Variants in LMO7 observed in about 807,000 individuals in gnomAD.
The protein encoded by LMO7 is LIM domain 7.
Under a neutral mutation model 206.5 loss-of-function variants are expected in LMO7, and 120 were observed. The ratio of observed to expected loss-of-function variants is 0.58; its 90% CI spans 0.50 to 0.68. The LOEUF (loss-of-function observed/expected upper bound fraction) is 0.68. LMO7 is among the 30% of genes least tolerant of loss of function. The probability of loss-of-function intolerance (pLI) is 0.00; values close to 1 mark genes in which losing one functional copy is unlikely to be tolerated. For missense variants in LMO7, 1,959 were observed against 1,957.9 expected, an observed-to-expected ratio of 1.00 and a Z score of -0.01; for synonymous variants, 706 against 681.5, an observed-to-expected ratio of 1.04 and a Z score of -0.56.
intron 1 of LMO7, among the ~76,000 whole-genome samples, chr13:75,661,737 C>A (rs1044639046): frequency 6.6e-6 from 1 of 152,106 alleles, no homozygotes; most frequent in Non-Finnish European, 1.5e-5. Context: ...GTGTTCTTGC[C>A]CCTCCCGTGC....
In LMO7 at chr13:75,821,622, C is replaced by T; in HGVS notation, c.2640+13C>T. On this transcript the variant is annotated intron_variant, in intron 14 of 30. Coordinates refer to ENST00000377534, the MANE Select transcript of LMO7 (RefSeq NM_001306080.2). ...CAGATCTTACACGGTAAAAAATGTT[C>T]TCGGTTCATTTAGTCTGTTCTGAAG... 1.9e-6 allele frequency: 3 copies of T among 1,598,616 alleles called. No homozygotes were observed. Among genetic ancestry groups the T allele is most frequent in the Admixed American group, 1.7e-5 (1 of 58,966 alleles).
intron 4 of LMO7, among the ~76,000 whole-genome samples, chr13:75,783,870 T>C (rs943066062): frequency 6.6e-6 from 1 of 152,218 alleles, no homozygotes; most frequent in Non-Finnish European, 1.5e-5. Flanking sequence ...TTTGCTTTGC[T>C]TATATATTTA....
chr13:75,807,515 C>G lies in LMO7; in HGVS notation c.1232C>G (p.Ser411Cys), dbSNP rs909276947. 1 of 1,613,756 alleles carries G rather than the reference C, an allele frequency of 6.2e-7. No homozygotes were observed. The highest frequency in any genetic ancestry group is 8.5e-7 in the Non-Finnish European group (1 of 1,179,850). ...FLLLQALQTY[S>C]DDILSSETHT... The stretch of plus-strand genomic sequence containing the variant: ...CTGCTTCAGGCCCTCCAAACATACT[C>G]TGATGACATCTTGTCTTCTGAAACA... The change falls in exon 10 of 31, where the codon TCT becomes TGT. Residue 411 changes from serine (S) to cysteine (C), a missense_variant. Ser to Cys is a moderately radical substitution (Grantham distance 112). Coordinates refer to ENST00000377534, the MANE Select transcript of LMO7 (RefSeq NM_001306080.2).
At chr13:75,717,223 T>C (rs1240781937) in intron 2 of LMO7, among the ~76,000 whole-genome samples, 1 of 151,108 alleles carries the variant, frequency 6.6e-6, no homozygotes, top group Non-Finnish European at 1.5e-5. Flanking sequence ...ATTAGCCGGG[T>C]GTGGTGGCGG....
At chr13:75,722,415 T>C (rs1442894264) in intron 2 of LMO7, among the ~76,000 whole-genome samples, 2 of 152,062 alleles carry the variant, frequency 1.3e-5, no homozygotes, top group East Asian at 1.9e-4. Flanking sequence ...AAAGAAGATA[T>C]ACAAATGGCC....
rs2055166675 is a variant in LMO7, at chr13:75,804,371, G to A, written c.744G>A (p.Ser248=). The A allele has an allele frequency of 6.2e-6, 10 of 1,614,156 alleles. No individual in the cohort carries two copies. The highest frequency in any genetic ancestry group is 4.5e-5 in the East Asian group (2 of 44,886). The change falls in exon 8 of 31, where the codon TCG becomes TCA. Residue 248 remains serine (S), a synonymous_variant. Coordinates refer to ENST00000377534, the MANE Select transcript of LMO7 (RefSeq NM_001306080.2). ...NKDDMSYRRI[S]AVEPKTALPF... ...ATGATATGTCGTATCGAAGGATTTC[G>A]GCTGTTGAGCCAAAGACTGCGTTAC... is the stretch of plus-strand genomic sequence containing the variant.
At chr13:75,762,774 C>T (rs2048360671) in intron 4 of LMO7, among the ~76,000 whole-genome samples, 1 of 152,068 alleles carries the variant, frequency 6.6e-6, no homozygotes, top group East Asian at 1.9e-4. Flanking sequence ...TGTGAGAATG[C>T]CTGAGTGGGA....
chr13:75,839,474 C>T (rs2059401756), intron 20 of LMO7, among the ~76,000 whole-genome samples: 1 of 152,130 alleles, frequency 6.6e-6, no homozygotes, highest in Admixed American at 6.5e-5. Context: ...TAAAGGTATA[C>T]TTACATAGGT....
At chr13:75,756,374 G>T (rs1000872326) in intron 3 of LMO7, among the ~76,000 whole-genome samples, 1 of 152,182 alleles carries the variant, frequency 6.6e-6, no homozygotes, top group African/African-American at 2.4e-5. Flanking sequence ...ATGAAATTAA[G>T]AGACCCTTAA....
chr13:75,666,095 A>AT (rs1209891349), intron 1 of LMO7, among the ~76,000 whole-genome samples: 2 of 152,114 alleles, frequency 1.3e-5, no homozygotes, highest in African/African-American at 4.8e-5. Context: ...AAACTTTTAA[A>AT]TTTTTTTTAA....
rs746752009 is a variant in LMO7 at position 75,858,046 on chromosome 13, T to TA, written c.*111dup. 3.1e-4 allele frequency: 426 copies of TA among 1,369,306 alleles called. No homozygotes were observed. Among genetic ancestry groups the TA allele is most frequent in the South Asian group, 2.2e-3 (170 of 76,330 alleles). The allele number at this position is 1,369,306 out of a possible 1,614,324, so 84.8% of individuals were successfully genotyped here. A position where few individuals can be genotyped will look rare whatever the true frequency, so the allele number is the denominator to read the frequency against. On this transcript the variant is annotated 3_prime_UTR_variant, in exon 31 of 31. Transcript: ENST00000377534. Reference sequence around the variant, plus strand: ...TTGTATGTCTTTTTTGCTTTTTTTTTAAAAAAAAGAATAACTTTTTTTGCC... The same window carrying TA: ...TTGTATGTCTTTTTTGCTTTTTTTTTAAAAAAAAAGAATAACTTTTTTTGCC...
In LMO7 at chr13:75,834,340, A is replaced by C; in HGVS notation, c.3179A>C (p.Gln1060Pro). The C allele has an allele frequency of 6.2e-7, 1 of 1,610,368 alleles. No homozygotes were observed. ...TGGGAGGAAGCCATGGCTAAGGCTCAAGAAACTGGACACCTAGTGATGGAT... is the reference window on the plus strand; with the variant it reads ...TGGGAGGAAGCCATGGCTAAGGCTCCAGAAACTGGACACCTAGTGATGGAT... ...KEWEEAMAKA[Q>P]ETGHLVMDVR... The change falls in exon 17 of 31, where the codon CAA (glutamine) becomes CCA (proline). Residue 1060 changes from glutamine to proline, a missense_variant. Physicochemically the swap from Gln to Pro is moderately conservative, Grantham distance 76. Transcript: ENST00000377534.
chr13:75,714,730 C>T (rs1415924486), intron 2 of LMO7, among the ~76,000 whole-genome samples: 1 of 152,032 alleles, frequency 6.6e-6, no homozygotes, highest in Non-Finnish European at 1.5e-5. Flanking sequence ...GACCACATAG[C>T]CCAACTGGTC....
At chr13:75,733,518 GT>G (rs2045489367) in intron 3 of LMO7, among the ~76,000 whole-genome samples, 1 of 152,282 alleles carries the variant, frequency 6.6e-6, no homozygotes, top group East Asian at 1.9e-4. Context: ...GATTTTCCAG[GT>G]ACCATCTGTC....
At chr13:75,732,523 C>G (rs978677352) in intron 3 of LMO7, among the ~76,000 whole-genome samples, 1 of 152,134 alleles carries the variant, frequency 6.6e-6, no homozygotes, top group African/African-American at 2.4e-5. Flanking sequence ...GTTATACATT[C>G]GTCTAAATTT....
chr13:75,764,760 G>A (rs1404829021), intron 4 of LMO7, among the ~76,000 whole-genome samples: 3 of 152,024 alleles, frequency 2.0e-5, no homozygotes, highest in South Asian at 4.1e-4. Context: ...CCAGTTTTTG[G>A]CAAGTCTTCA....
chr13:75,660,412 T>C (rs1483554190), intron 1 of LMO7, among the ~76,000 whole-genome samples: 1 of 152,250 alleles, frequency 6.6e-6, no homozygotes, highest in East Asian at 1.9e-4. Flanking sequence ...AATTTTGGAT[T>C]AATTTGCCTT....
At chr13:75,688,757 A>G (rs2041218515) in intron 1 of LMO7, 1 of 151,660 alleles carries the variant, frequency 6.6e-6, no homozygotes, top group Non-Finnish European at 1.5e-5. Context: ...CTCTCCACAC[A>G]CTGTTCTGTG....
At chr13:75,658,873 G>A (rs2139230948) in intron 1 of LMO7, among the ~76,000 whole-genome samples, 1 of 152,232 alleles carries the variant, frequency 6.6e-6, no homozygotes, top group African/African-American at 2.4e-5. Flanking sequence ...ACAGGTGTGA[G>A]CCACCACACC....
Sources: gnomAD v4.1 joint callset for allele counts (sites outside exome capture counted in the v4.1 genomes callset) on GRCh38, gnomAD v4.1.1 for gene constraint, MANE v1.5 for transcripts, NCBI Gene and HGNC (gene_info 2026-07-23, HGNC 2026-07-21) for gene names.